Variants in CACNA1A observed in about 807,000 individuals in gnomAD.
The protein encoded by CACNA1A is calcium voltage-gated channel subunit alpha1 A.
A neutral mutation model predicts 262.4 loss-of-function variants in CACNA1A; 57 were observed. That is an observed-to-expected ratio of 0.22 (90% confidence interval 0.18 to 0.27). The LOEUF (loss-of-function observed/expected upper bound fraction) is 0.27. Among genes scored for constraint, CACNA1A ranks in the 10% least tolerant of loss-of-function variants. CACNA1A has a pLI of 1.00. For missense variants in CACNA1A, 2,526 were observed against 3,562.8 expected (o/e 0.71, Z 7.41); for synonymous variants, 1,431 against 1,419.3 (o/e 1.01, Z -0.18).
chr19:13,259,818 T>C, intron 26 of CACNA1A, 117 bp from the exon 27 acceptor site: 1 of 1,137,460 alleles, frequency 8.8e-7, no homozygotes, highest in South Asian at 1.4e-5. Context: ...CCTAGACTGC[T>C]TGGGAAGCAG....
chr19:13,235,602 A>T lies in CACNA1A; in HGVS notation c.5067+12T>A. On this transcript the variant is annotated intron_variant, in intron 32 of 46. Transcript: ENST00000360228. Reference sequence around the variant, plus strand: ...TCTCAGCCCTGGGCCAGCAGCAGGGACGAGGACTCACCTTGAAGGACTGCA... The same window carrying T: ...TCTCAGCCCTGGGCCAGCAGCAGGGTCGAGGACTCACCTTGAAGGACTGCA... The T allele has an allele frequency of 6.4e-7, 1 of 1,570,940 alleles. No individual in the cohort carries two copies. The highest frequency in any genetic ancestry group is 8.8e-7 in the Non-Finnish European group (1 of 1,140,768).
chr19:13,368,523 A>G lies in CACNA1A; in HGVS notation c.632-3054T>C, dbSNP rs1307601093. 2.0e-5 allele frequency among the ~76,000 whole-genome samples: 3 copies of G among 152,042 alleles called. No homozygotes were observed. The East Asian group carries it at 5.8e-4, about 29-fold the overall frequency. ...CCACTACCATTTTTTTCTTGAGGCT[A>G]TTAACTCAGGTCTGAACGATGACAA... On this transcript the variant is annotated intron_variant, in intron 4 of 46. Coordinates refer to ENST00000360228, the MANE Select transcript of CACNA1A (RefSeq NM_001127222.2).
intron 24 of CACNA1A, among the ~76,000 whole-genome samples, chr19:13,270,414 G>T (rs2056988118): frequency 8.7e-6 from 1 of 114,670 alleles, no homozygotes; most frequent in Non-Finnish European, 1.7e-5. Flanking sequence ...GGGGTGGGGG[G>T]TGGGGGGCGG....
intron 43 of CACNA1A, 181 bp downstream of exon 43, chr19:13,211,922 G>C (rs1227583811): frequency 1.7e-6 from 1 of 581,334 alleles, no homozygotes; most frequent in Middle Eastern, 4.6e-4. Context: ...AGGGTCTGCA[G>C]GTGCTCCAGG....
At chr19:13,330,184 A>C in intron 10 of CACNA1A, 60 bp downstream of exon 10, 6 of 1,277,060 alleles carry the variant, frequency 4.7e-6, no homozygotes, top group Non-Finnish European at 6.7e-6. Flanking sequence ...CCCCCACCCC[A>C]CCATGTCTCT....
chr19:13,253,884 C>T (rs560845267), intron 29 of CACNA1A, among the ~76,000 whole-genome samples: 1 of 152,090 alleles, frequency 6.6e-6, no homozygotes, highest in South Asian at 2.1e-4. Context: ...GTATTATAGG[C>T]ATGCGCCACC....
chr19:13,227,566 A>C (rs778478279), intron 36 of CACNA1A, 39 bp from the exon 37 acceptor site: 2 of 1,286,354 alleles, frequency 1.6e-6, no homozygotes, highest in Non-Finnish European at 2.2e-6. Context: ...AAACAAAAAC[A>C]AAAAAACAAA....
At chr19:13,496,132 C>T (rs1440903669) in intron 1 of CACNA1A, among the ~76,000 whole-genome samples, 4 of 152,164 alleles carry the variant, frequency 2.6e-5, no homozygotes, top group Non-Finnish European at 2.9e-5. Flanking sequence ...CCTCCATCCC[C>T]TCTAAACCAC....
In CACNA1A at chr19:13,452,966, A is replaced by C; in HGVS notation, c.449T>G (p.Ile150Ser). The C allele has an allele frequency of 6.2e-7, 1 of 1,613,982 alleles. No homozygotes were observed. Among genetic ancestry groups the C allele is most frequent in the Non-Finnish European group, 8.5e-7 (1 of 1,179,848 alleles). ...FIGIFCFEAG[I>S]KIIALGFAFH... The stretch of plus-strand genomic sequence containing the variant: ...GGCAAACCCAAGGGCAATGATTTTA[A>C]TTCCAGCCTCGAAACAAAAAATTCC... Residue 150 changes from isoleucine to serine, a missense_variant, in exon 3 of 47, where the codon ATT becomes AGT. Coordinates refer to ENST00000360228, the MANE Select transcript of CACNA1A (RefSeq NM_001127222.2).
chr19:13,234,085 C>G (rs1403003457), intron 34 of CACNA1A, among the ~76,000 whole-genome samples: 5 of 142,172 alleles, frequency 3.5e-5, no homozygotes, highest in African/African-American at 5.2e-5. Context: ...CACGGTGGCT[C>G]ACGCCTGTAA....
Position 13,308,021 on chromosome 19 carries a change from T to C in CACNA1A, c.1913+99A>G. On this transcript the variant is annotated intron_variant, in intron 14 of 46. Transcript: ENST00000360228. The surrounding 1 kb of genome is among the most constrained non-coding windows in gnomAD (Gnocchi z 4.2). ...CATTTGGGTGACCGCAATGGGTGTC[T>C]GGGCTACGAGGAAGGCAGCCTGCAC... The C allele has an allele frequency of 6.6e-7, 1 of 1,517,714 alleles. No homozygotes were observed. The allele number at this position is 1,517,714 out of a possible 1,614,324, so 94.0% of individuals were successfully genotyped here. A position where few individuals can be genotyped will look rare whatever the true frequency, so the allele number is the denominator to read the frequency against.
At position 13,214,655 on chromosome 19, in the gene CACNA1A, GCT is replaced by G; in HGVS notation, c.5732-49_5732-48del. 2 of 1,455,870 alleles carry G rather than the reference GCT, an allele frequency of 1.4e-6. No homozygotes were observed. The highest frequency in any genetic ancestry group is 1.9e-6 in the Non-Finnish European group (2 of 1,045,198). The allele number at this position is 1,455,870 out of a possible 1,614,324, so 90.2% of individuals were successfully genotyped here. On this transcript the variant is annotated intron_variant, in intron 38 of 46. Coordinates refer to ENST00000360228, the MANE Select transcript of CACNA1A (RefSeq NM_001127222.2). This position sits in a 1 kb window ranked among gnomAD's most constrained non-coding sequence, Gnocchi z 4.1. ...ACCCTGACTGCCTGCCTGGGTGTCA[GCT>G]GGACTCTGGGTCAGCTGCAAAGCCA...
At chr19:13,450,659 A>C (rs7253195) in intron 3 of CACNA1A, 11,932 of 152,244 alleles carry the variant, frequency 0.078, 792 homozygotes, top group East Asian at 0.25. Flanking sequence ...CATTGAATAA[A>C]TGAATGTATA....
Position 13,207,927 on chromosome 19 carries a change from TCA to T in CACNA1A, c.6905_6906del (p.Val2302AspfsTer3). 7.0e-7 allele frequency: 1 copy of T among 1,428,736 alleles called. No individual in the cohort carries two copies. Among genetic ancestry groups the T allele is most frequent in the Admixed American group, 2.6e-5 (1 of 37,808 alleles). 88.5% of individuals were successfully genotyped at this position (1,428,736 alleles called of 1,614,324 possible). A position where few individuals can be genotyped will look rare whatever the true frequency, so the allele number is the denominator to read the frequency against. ...TPRPHVSYSPVIRKAGGSGPP... is the reference protein window; with the variant it reads ...TPRPHVSYSPXIRKAGGSGPP... The stretch of plus-strand genomic sequence containing the variant: ...GGCCCCGAGCCGCCGGCCTTACGGA[TCA>T]CAGGGGAATAGGACACGTGTGGCCG... On this transcript the variant is annotated frameshift_variant, in exon 47 of 47. Transcript: ENST00000360228. LOFTEE classifies it low-confidence loss of function (END_TRUNC). The surrounding 1 kb of genome is among the most constrained non-coding windows in gnomAD (Gnocchi z 5.7).
At chr19:13,269,671 C>T (rs1027362000) in intron 24 of CACNA1A, among the ~76,000 whole-genome samples, 3 of 152,116 alleles carry the variant, frequency 2.0e-5, no homozygotes, top group Non-Finnish European at 2.9e-5. Flanking sequence ...GTCAGTTGGC[C>T]GCCCTGATGC....
chr19:13,481,030 GTC>G (rs892109159), intron 1 of CACNA1A, among the ~76,000 whole-genome samples: 3 of 152,080 alleles, frequency 2.0e-5, no homozygotes, highest in African/African-American at 4.8e-5. Flanking sequence ...CAGATAGTGA[GTC>G]TCTCTCTCTG....
intron 1 of CACNA1A, among the ~76,000 whole-genome samples, chr19:13,464,543 A>ATTGTTTTTTTTTTT (rs1170388497): frequency 7.8e-6 from 1 of 128,960 alleles, no homozygotes; most frequent in African/African-American, 3.1e-5. Context: ...AACTTTTCCA[A>ATTGTTTTTTTTTTT]TTTTTTTTTT....
At position 13,315,236 on chromosome 19, in the gene CACNA1A, C is replaced by G. The variant is rs2058105028; in HGVS notation, c.1555+1876G>C. On this transcript the variant is annotated intron_variant, in intron 11 of 46. Transcript: ENST00000360228. ...TTTTTTTTTGAGATGGCGTCTAGCT[C>G]TGTTGCCCAGGCTAGAGTGCAGTGG... 9.5e-5 allele frequency: 12 copies of G among 126,708 alleles called. No homozygotes were observed. In the Admixed American group the frequency reaches 1.2e-3, roughly 13 times the overall value. 7.8% of individuals were successfully genotyped at this position (126,708 alleles called of 1,614,324 possible).
intron 6 of CACNA1A, among the ~76,000 whole-genome samples, chr19:13,351,440 C>T (rs2058905871): frequency 6.6e-6 from 1 of 152,110 alleles, no homozygotes. Flanking sequence ...CTGCTGGGCT[C>T]AAGCAATCCT....
Sources: allele counts gnomAD v4.1 joint callset (sites outside exome capture counted in the v4.1 genomes callset), GRCh38; gene constraint gnomAD v4.1.1; non-coding constraint Gnocchi (gnomAD v3.1); transcripts MANE v1.5; gene names NCBI Gene and HGNC (gene_info 2026-07-23, HGNC 2026-07-21).